Variants in NCKAP5 observed in about 807,000 individuals in gnomAD.
NCKAP5 encodes the protein nck-associated protein 5.
NCKAP5 carries 92 observed loss-of-function variants against 167.0 expected under a neutral mutation model. That is an observed-to-expected ratio of 0.55 (90% CI 0.47 to 0.66). NCKAP5 has a LOEUF of 0.66. Among genes scored for constraint, NCKAP5 ranks in the 30% least tolerant of loss-of-function variants. The probability of loss-of-function intolerance (pLI) is 0.00; values close to 1 mark genes in which losing one functional copy is unlikely to be tolerated. For synonymous variants in NCKAP5, 891 were observed against 877.4 expected, an observed-to-expected ratio of 1.02 and a Z score of -0.27; for missense variants, 2,378 against 2,315.0, an observed-to-expected ratio of 1.03 and a Z score of -0.56.
At chr2:133,355,068 A>G (rs1237475097) in intron 3 of NCKAP5, among the ~76,000 whole-genome samples, 1 of 152,234 alleles carries the variant, frequency 6.6e-6, no homozygotes, top group Non-Finnish European at 1.5e-5. Flanking sequence ...TATATTTATA[A>G]CTTCTAAAAT....
intron 15 of NCKAP5, among the ~76,000 whole-genome samples, chr2:132,779,017 T>C (rs1299233032): frequency 1.3e-5 from 2 of 152,336 alleles, no homozygotes; most frequent in Non-Finnish European, 2.9e-5. Context: ...GTTAATAACA[T>C]TTCTCTGTAT....
rs2089839007 is a variant in NCKAP5 at position 133,278,907 on chromosome 2, GA to G, written c.143+24129del. On this transcript the variant is annotated intron_variant, in intron 4 of 19. Coordinates refer to ENST00000409261, the MANE Select transcript of NCKAP5 (RefSeq NM_207363.3). ...CGCAAGTGGCCTTTAAACATAGGAAGAGGTAGTCAAGCTCACTCTTAACTAG... is the reference window on the plus strand; with the variant it reads ...CGCAAGTGGCCTTTAAACATAGGAAGGGTAGTCAAGCTCACTCTTAACTAG... Among the ~76,000 whole-genome samples, 7 of 152,116 alleles carry G rather than the reference GA, an allele frequency of 4.6e-5. No homozygotes were observed. The South Asian group carries it at 1.5e-3, about 32-fold the overall frequency.
chr2:132,861,501 TAA>T lies in NCKAP5; in HGVS notation c.688-892_688-891del, dbSNP rs57631683. On this transcript the variant is annotated intron_variant, in intron 10 of 19. Coordinates refer to ENST00000409261, the MANE Select transcript of NCKAP5 (RefSeq NM_207363.3). ...ATCTTTCACTACTTCCTGATGTTAA[TAA>T]AAAAAAAAATGTCTTCTGTTCTCAC... is the stretch of plus-strand genomic sequence containing the variant. Among the ~76,000 whole-genome samples the T allele has an allele frequency of 4.0e-5, 6 of 150,342 alleles. No homozygotes were observed. In the East Asian group the frequency reaches 7.8e-4, roughly 20 times the overall value.
Position 132,782,711 on chromosome 2 carries a change from T to A in NCKAP5, c.4100A>T (p.Lys1367Met). 4 of 1,613,968 alleles carry A rather than the reference T, an allele frequency of 2.5e-6. No homozygotes were observed. Among genetic ancestry groups the A allele is most frequent in the Non-Finnish European group, 3.4e-6 (4 of 1,179,886 alleles). The change falls in exon 14 of 20, where the codon AAG (lysine) becomes ATG (methionine). Residue 1367 changes from lysine to methionine, a missense_variant. Around this residue, in one of 3 missense-constraint regions of NCKAP5, gnomAD observed 1,325 missense variants for 1,274.5 expected, o/e 1.04. Transcript: ENST00000409261. ...CTTTGGAGGGATCCTCAAAGGCAAC[T>A]TACTTGGGCTCCCATGCTGACTGCT... ...SFSSQHGSPS[K>M]LPLRIPPKSE...
At chr2:133,095,898 C>T (rs2081330800) in intron 6 of NCKAP5, among the ~76,000 whole-genome samples, 1 of 152,088 alleles carries the variant, frequency 6.6e-6, no homozygotes, top group Admixed American at 6.6e-5. Context: ...TACAAACAAA[C>T]CACTGTGAGT....
the NCKAP5 span, among the ~76,000 whole-genome samples, chr2:133,658,941 A>G: frequency 6.6e-6 from 1 of 152,062 alleles, no homozygotes; most frequent in Non-Finnish European, 1.5e-5. Context: ...TTAAAAAATA[A>G]GAACTATGCT....
At chr2:133,659,874 T>G in the NCKAP5 span, among the ~76,000 whole-genome samples, 1 of 152,226 alleles carries the variant, frequency 6.6e-6, no homozygotes, top group African/African-American at 2.4e-5. Flanking sequence ...ATTGCATATA[T>G]GTTTTAAAAT....
chr2:132,700,009 A>T (rs1168971267), intron 19 of NCKAP5, among the ~76,000 whole-genome samples: 1 of 152,178 alleles, frequency 6.6e-6, no homozygotes, highest in Non-Finnish European at 1.5e-5. Context: ...CTGACTTGTT[A>T]ATGATCGCCA....
At chr2:132,937,912 A>G (rs1696979504) in intron 8 of NCKAP5, among the ~76,000 whole-genome samples, 1 of 152,236 alleles carries the variant, frequency 6.6e-6, no homozygotes, top group African/African-American at 2.4e-5. Context: ...TTCACCCAGC[A>G]TAAATGCTGA....
At chr2:133,496,690 A>C (rs1681979702) in intron 3 of NCKAP5, among the ~76,000 whole-genome samples, 1 of 152,188 alleles carries the variant, frequency 6.6e-6, no homozygotes, top group Non-Finnish European at 1.5e-5. Context: ...TAGAGCCAGT[A>C]ATCTGTGTTT....
intron 6 of NCKAP5, among the ~76,000 whole-genome samples, chr2:133,097,159 C>T (rs2081368871): frequency 6.6e-6 from 1 of 152,136 alleles, no homozygotes. Context: ...TGACCCTTCA[C>T]AATGGCAGGG....
intron 19 of NCKAP5, among the ~76,000 whole-genome samples, chr2:132,681,599 G>C (rs992948894): frequency 6.6e-6 from 1 of 151,506 alleles, no homozygotes; most frequent in Admixed American, 6.6e-5. Context: ...TGGATCAGGT[G>C]AATATAAAAA....
At chr2:133,427,941 G>A (rs1195019667) in intron 3 of NCKAP5, among the ~76,000 whole-genome samples, 1 of 151,928 alleles carries the variant, frequency 6.6e-6, no homozygotes, top group Non-Finnish European at 1.5e-5. Context: ...ACCTATATGA[G>A]GAAAATGTTT....
At chr2:133,009,358 C>A (rs1368949708) in intron 6 of NCKAP5, among the ~76,000 whole-genome samples, 4 of 152,060 alleles carry the variant, frequency 2.6e-5, no homozygotes, top group Non-Finnish European at 5.9e-5. Flanking sequence ...TTTCCTACTA[C>A]CCACATCGCA....
At chr2:133,417,944 G>A (rs1388067030) in intron 3 of NCKAP5, among the ~76,000 whole-genome samples, 1 of 152,228 alleles carries the variant, frequency 6.6e-6, no homozygotes, top group East Asian at 1.9e-4. Flanking sequence ...AGCGTTGTTA[G>A]ACGCTAAAGT....
chr2:132,673,646 C>T (rs58905085), intron 19 of NCKAP5, among the ~76,000 whole-genome samples: 1,742 of 152,154 alleles, frequency 0.011, 36 homozygotes, highest in African/African-American at 0.04. Flanking sequence ...TAAGTATTAG[C>T]TGTACTTTTT....
chr2:133,661,184 G>A, the NCKAP5 span, among the ~76,000 whole-genome samples: 9 of 152,014 alleles, frequency 5.9e-5, no homozygotes, highest in Admixed American at 2.0e-4. Flanking sequence ...AGGTGGGTGC[G>A]AAGAAGATGA....
intron 3 of NCKAP5, among the ~76,000 whole-genome samples, chr2:133,456,921 C>G (rs191864889): frequency 5.9e-5 from 9 of 152,132 alleles, no homozygotes; most frequent in African/African-American, 2.2e-4. Context: ...CTGTCGGACA[C>G]GTCATAGGTG....
At chr2:132,809,279 A>C (rs990543531) in intron 11 of NCKAP5, among the ~76,000 whole-genome samples, 2 of 152,116 alleles carry the variant, frequency 1.3e-5, no homozygotes, top group Non-Finnish European at 2.9e-5. Flanking sequence ...AAATCTGTTA[A>C]GTCCATTTGT....
Sources: gnomAD v4.1 joint callset for allele counts (sites outside exome capture counted in the v4.1 genomes callset) on GRCh38, gnomAD v4.1.1 for gene constraint, gnomAD v4.1.1 regional missense constraint, MANE v1.5 for transcripts, NCBI Gene and HGNC (gene_info 2026-07-23, HGNC 2026-07-21) for gene names.